ANKRD26: variants seen among roughly 807,000 people sequenced by gnomAD.
ANKRD26 encodes the protein ankyrin repeat domain 26.
A neutral mutation model predicts 208.7 loss-of-function variants in ANKRD26; 141 were observed. That is an observed-to-expected ratio of 0.68 (90% CI 0.59 to 0.78). ANKRD26 has a LOEUF of 0.78. ANKRD26 is among the 30% of genes least tolerant of loss of function. The pLI is 0.00. For missense variants in ANKRD26, 1,889 were observed against 1,938.7 expected (o/e 0.97, Z 0.48); for synonymous variants, 636 against 660.4 (o/e 0.96, Z 0.57).
At chr10:27,008,473 A>T (rs1460045253) in intron 32 of ANKRD26, among the ~76,000 whole-genome samples, 1 of 152,176 alleles carries the variant, frequency 6.6e-6, no homozygotes, top group African/African-American at 2.4e-5. Flanking sequence ...ATGACGTAAA[A>T]TATACATTTT....
Position 27,025,590 on chromosome 10 carries a change from AT to A in ANKRD26, c.3973-1032del, listed in dbSNP as rs371674250. On this transcript the variant is annotated intron_variant, in intron 27 of 33. Transcript: ENST00000376087. ...TTCTCATTTTAAAATTCTGAAAGTCATCAAGGCCCTATTTTTTAGTCTTTAA... is the reference window on the plus strand; with the variant it reads ...TTCTCATTTTAAAATTCTGAAAGTCACAAGGCCCTATTTTTTAGTCTTTAA... 4.6e-3 allele frequency among the ~76,000 whole-genome samples: 695 copies of A among 152,308 alleles called. 5 individuals are homozygous for A. Among genetic ancestry groups the A allele is most frequent in the Middle Eastern group, 6.8e-3 (2 of 294 alleles).
At chr10:26,967,261 T>C in the ANKRD26 span, among the ~76,000 whole-genome samples, 1 of 152,224 alleles carries the variant, frequency 6.6e-6, no homozygotes, top group South Asian at 2.1e-4. Flanking sequence ...GATAGATAGA[T>C]ATTTTTAGCA....
the ANKRD26 span, among the ~76,000 whole-genome samples, chr10:26,958,089 A>ATATATT: frequency 0.02 from 2,962 of 149,946 alleles, 96 homozygotes; most frequent in African/African-American, 0.068. Context: ...ATATATATAT[A>ATATATT]TATTTATTTT....
rs7079307 is a variant in ANKRD26, at chr10:27,032,127, A to G, written c.3807+1098T>C. The stretch of plus-strand genomic sequence containing the variant: ...TCTCAACTTCCATGAGGAATGATGT[A>G]TAATTCTCAACTTTCCTAAGACTAA... On this transcript the variant is annotated intron_variant, in intron 25 of 33. Coordinates refer to ENST00000376087, the MANE Select transcript of ANKRD26 (RefSeq NM_014915.3). Among the ~76,000 whole-genome samples, 730 of 152,386 alleles carry G rather than the reference A, an allele frequency of 4.8e-3. 3 individuals carry two copies. Among genetic ancestry groups the G allele is most frequent in the Non-Finnish European group, 8.1e-3 (551 of 68,044 alleles).
intron 9 of ANKRD26, among the ~76,000 whole-genome samples, chr10:27,069,194 C>CAAA (rs58833937): frequency 3.4e-5 from 3 of 88,088 alleles, no homozygotes; most frequent in Admixed American, 1.3e-4. Flanking sequence ...GACGTCGTCT[C>CAAA]AAAAAAAAAA....
intron 12 of ANKRD26, chr10:27,061,987 CTGTT>C (rs771700979): frequency 2.1e-5 from 21 of 985,260 alleles, no homozygotes; most frequent in Non-Finnish European, 2.5e-5. Flanking sequence ...ATCTAATCGT[CTGTT>C]TGAGTGTAAA....
rs372500899 is a variant in ANKRD26 at position 27,100,160 on chromosome 10, G to A, written c.167C>T (p.Ala56Val). ...DLGKIHKAAS[A>V]GNVAKVQQIL... ...CTGCTGCACTTTCGCCACATTACCC[G>A]CGCTGGCAGCTTTGTGGATCTTGCC... is the stretch of plus-strand genomic sequence containing the variant. The change falls in exon 1 of 34, where the codon GCG becomes GTG. Residue 56 changes from alanine (A) to valine (V), a missense_variant. Ala to Val is a moderately conservative substitution (Grantham distance 64). Transcript: ENST00000376087. The A allele has an allele frequency of 5.0e-5, 80 of 1,614,112 alleles. No individual in the cohort carries two copies. The highest frequency in any genetic ancestry group is 6.5e-5 in the Non-Finnish European group (77 of 1,179,994).
At chr10:27,086,761 C>CTTTTTTTTT (rs1255812481) in intron 4 of ANKRD26, 152 bp from the exon 5 acceptor site, 4 of 376,052 alleles carry the variant, frequency 1.1e-5, no homozygotes, top group African/African-American at 2.9e-5. Context: ...GCTCTACAAA[C>CTTTTTTTTT]TTTTTTGTTT....
chr10:26,964,422 C>T, the ANKRD26 span, among the ~76,000 whole-genome samples: 1 of 152,124 alleles, frequency 6.6e-6, no homozygotes, highest in Non-Finnish European at 1.5e-5. Flanking sequence ...TTTACTCATC[C>T]CATCTGGAGA....
chr10:27,023,080 G>A (rs1200343077), intron 28 of ANKRD26, among the ~76,000 whole-genome samples: 1 of 152,152 alleles, frequency 6.6e-6, no homozygotes, highest in African/African-American at 2.4e-5. Context: ...TAAAATTCCA[G>A]CACTTTGGGA....
At chr10:27,053,105 TAACAAA>T (rs1002230718) in intron 16 of ANKRD26, among the ~76,000 whole-genome samples, 23 of 152,230 alleles carry the variant, frequency 1.5e-4, no homozygotes, top group East Asian at 3.9e-4. Context: ...AGATTAACTA[TAACAAA>T]AACAAAAACA....
At chr10:26,950,159 A>G in the ANKRD26 span, among the ~76,000 whole-genome samples, 2 of 151,912 alleles carry the variant, frequency 1.3e-5, no homozygotes, top group Admixed American at 6.6e-5. Flanking sequence ...ACTTGTGGGG[A>G]GGTGATTGGA....
intron 12 of ANKRD26, among the ~76,000 whole-genome samples, chr10:27,063,731 C>T (rs1269379836): frequency 6.6e-6 from 1 of 152,186 alleles, no homozygotes; most frequent in Non-Finnish European, 1.5e-5. Flanking sequence ...TTACTCCTCT[C>T]CTCTTCCTTA....
downstream of ANKRD26, among the ~76,000 whole-genome samples, chr10:26,972,236 A>G (rs1219225819): frequency 2.1e-5 from 3 of 143,666 alleles, no homozygotes; most frequent in Admixed American, 6.8e-5. Flanking sequence ...CTCCGTCTCA[A>G]AAAAAAAAAA....
downstream of ANKRD26, among the ~76,000 whole-genome samples, chr10:26,969,442 C>A (rs551289318): frequency 6.6e-6 from 1 of 152,118 alleles, no homozygotes; most frequent in Non-Finnish European, 1.5e-5. Context: ...GCAAAGCTGG[C>A]CTGAGAATTG....
intron 16 of ANKRD26, chr10:27,051,110 T>A: frequency 7.8e-7 from 1 of 1,288,474 alleles, no homozygotes; most frequent in Non-Finnish European, 1.0e-6. Flanking sequence ...ACTCTACTTT[T>A]AACATGCCTA....
chr10:27,100,276 C>G lies in ANKRD26; in HGVS notation c.51G>C (p.Ala17=). 1 of 1,610,080 alleles carries G rather than the reference C, an allele frequency of 6.2e-7. No homozygotes were observed. The highest frequency in any genetic ancestry group is 8.5e-7 in the Non-Finnish European group (1 of 1,179,236). ...CTCCCGCGCTGCTCCTCTGCCGCCG[C>G]GCGAAGGAGCCCAAGGGCGACTCGC... The part of the protein sequence containing the change: ...KKGESPLGSF[A]RRQRSSAGGG... The change falls in exon 1 of 34, where the codon GCG becomes GCC. Residue 17 remains alanine, a synonymous_variant. Coordinates refer to ENST00000376087, the MANE Select transcript of ANKRD26 (RefSeq NM_014915.3).
rs1319881795 is a variant in ANKRD26 at position 27,082,829 on chromosome 10, A to G, written c.714T>C (p.Asp238=). The change falls in exon 6 of 34, where the codon GAT becomes GAC. Residue 238 remains aspartate (D), a synonymous_variant. Transcript: ENST00000376087. ...KHSSQNSNSV[D]ESSEDSLSRL... Reference sequence around the variant, plus strand: ...TGCTTAAGGAGTCTTCAGAGCTTTCATCCACTATTAAAGAGAAAAGTAAAA... The same window carrying G: ...TGCTTAAGGAGTCTTCAGAGCTTTCGTCCACTATTAAAGAGAAAAGTAAAA... 1 of 1,590,118 alleles carries G rather than the reference A, an allele frequency of 6.3e-7. No individual in the cohort carries two copies. Among genetic ancestry groups the G allele is most frequent in the Non-Finnish European group, 8.6e-7 (1 of 1,167,116 alleles).
chr10:26,951,024 T>TC, the ANKRD26 span, among the ~76,000 whole-genome samples: 7 of 67,834 alleles, frequency 1.0e-4, no homozygotes, highest in African/African-American at 1.9e-4. Flanking sequence ...TTTTTCTTTT[T>TC]TTTTTTTTTT....
Sources: allele counts gnomAD v4.1 joint callset (sites outside exome capture counted in the v4.1 genomes callset), GRCh38; gene constraint gnomAD v4.1.1; transcripts MANE v1.5; gene names NCBI Gene and HGNC (gene_info 2026-07-23, HGNC 2026-07-21).